The following YWHAB variants were observed in gnomAD, a reference collection of about 807,000 sequenced individuals.
YWHAB encodes the protein 14-3-3 protein beta/alpha.
Under a neutral mutation model 28.5 loss-of-function variants are expected in YWHAB, and 2 were observed. The ratio of observed to expected loss-of-function variants is 0.07; its 90% confidence interval spans 0.03 to 0.22. The LOEUF (loss-of-function observed/expected upper bound fraction) is 0.22, where lower values mean the gene tolerates loss of function less well. Ranked by LOEUF, YWHAB falls within the 10% of genes least tolerant of loss-of-function variation. YWHAB has a pLI of 1.00. For missense variants in YWHAB, 148 were observed against 297.1 expected, an observed-to-expected ratio of 0.50 and a Z score of 3.69; for synonymous variants, 103 against 104.7, an observed-to-expected ratio of 0.98 and a Z score of 0.10.
At position 44,904,073 on chromosome 20, in the gene YWHAB, T is replaced by C. The variant is rs199676762; in HGVS notation, c.381T>C (p.Tyr127=). ...TCTACTTGAAAATGAAAGGAGATTA[T>C]TTTAGGTATCTTTCTGAAGTGGCAT... ...KVFYLKMKGD[Y]FRYLSEVASG... The change falls in exon 3 of 6, where the codon TAT becomes TAC. Residue 127 remains tyrosine, a synonymous_variant. Transcript: ENST00000353703. 115 of 1,609,308 alleles carry C rather than the reference T, an allele frequency of 7.1e-5. 1 individual carries two copies. The East Asian group carries it at 1.5e-3, about 22-fold the overall frequency.
At chr20:44,895,734 C>T (rs1036877888) in intron 1 of YWHAB, among the ~76,000 whole-genome samples, 3 of 152,166 alleles carry the variant, frequency 2.0e-5, no homozygotes, top group Admixed American at 2.0e-4. Context: ...TCCAAAAGCA[C>T]TGGGATTATA....
rs147447008 is a variant in YWHAB at position 44,894,914 on chromosome 20, A to G, written c.-3-6617A>G. Among the ~76,000 whole-genome samples, 7 of 152,348 alleles carry G rather than the reference A, an allele frequency of 4.6e-5. No homozygotes were observed. In the East Asian group the frequency reaches 1.3e-3, roughly 29 times the overall value. ...TGTTCCTTGTGCTCTCCCAATAATG[A>G]TTTGTAGAAAAACTTGATATTCATT... is the stretch of plus-strand genomic sequence containing the variant. On this transcript the variant is annotated intron_variant, in intron 1 of 5. Transcript: ENST00000353703.
At position 44,905,105 on chromosome 20, in the gene YWHAB, G is replaced by A. The variant is rs747489177; in HGVS notation, c.562G>A (p.Glu188Lys). The part of the protein sequence containing the change: ...VFYYEILNSP[E>K]KACSLAKTAF... ...TTACTATGAGATTCTAAACTCTCCT[G>A]AAAAGGCCTGTAGCCTGGCAAAAAC... Residue 188 changes from glutamate (E) to lysine (K), a missense_variant, in exon 4 of 6, where the codon GAA (glutamate) becomes AAA (lysine). Around this residue, in one of 2 missense-constraint regions of YWHAB, gnomAD observed 38 missense variants for 119.2 expected, o/e 0.32. Coordinates refer to ENST00000353703, the MANE Select transcript of YWHAB (RefSeq NM_139323.4). The A allele has an allele frequency of 1.2e-6, 2 of 1,611,876 alleles. No homozygotes were observed. The highest frequency in any genetic ancestry group is 1.7e-6 in the Non-Finnish European group (2 of 1,179,046).
chr20:44,904,568 C>T (rs1601098619), intron 3 of YWHAB, among the ~76,000 whole-genome samples: 2 of 152,130 alleles, frequency 1.3e-5, no homozygotes, highest in African/African-American at 4.8e-5. Context: ...GCCCATTTTT[C>T]ATATAAACTG....
Position 44,908,300 on chromosome 20 carries a change from T to G in YWHAB, c.*1862T>G, listed in dbSNP as rs1321194671. 3 of 152,628 alleles carry G rather than the reference T, an allele frequency of 2.0e-5. No homozygotes were observed. Among genetic ancestry groups the G allele is most frequent in the African/African-American group, 4.8e-5 (2 of 41,436 alleles). The allele number at this position is 152,628 out of a possible 1,614,324, so 9.5% of individuals were successfully genotyped here. On this transcript the variant is annotated 3_prime_UTR_variant, in exon 6 of 6. Transcript: ENST00000353703. ...TCTGGTAGCTCTTTTCTTGCTTTGT[T>G]TTTTCTTACCAGTATTCTGCCTAAC...
intron 1 of YWHAB, among the ~76,000 whole-genome samples, chr20:44,891,857 CAAAG>C (rs1440812982): frequency 3.3e-5 from 5 of 152,186 alleles, no homozygotes; most frequent in Non-Finnish European, 4.4e-5. Context: ...TGTTTCCTAA[CAAAG>C]AACCTGCAAA....
rs2066520991 is a variant in YWHAB at position 44,885,729 on chromosome 20, G to A, written c.-161G>A. 1 of 176,244 alleles carries A rather than the reference G, an allele frequency of 5.7e-6. No individual in the cohort carries two copies. 10.9% of individuals were successfully genotyped at this position (176,244 alleles called of 1,614,324 possible). A position where few individuals can be genotyped will look rare whatever the true frequency, so the allele number is the denominator to read the frequency against. Reference sequence around the variant, plus strand: ...CGGAAGTGGAGCTACCGCCACCGCCGCCGCCGATTCCGGAGCCGGGGTAGT... The same window carrying A: ...CGGAAGTGGAGCTACCGCCACCGCCACCGCCGATTCCGGAGCCGGGGTAGT... On this transcript the variant is annotated 5_prime_UTR_variant, in exon 1 of 6. Coordinates refer to ENST00000353703, the MANE Select transcript of YWHAB (RefSeq NM_139323.4).
intron 1 of YWHAB, among the ~76,000 whole-genome samples, chr20:44,896,734 G>A (rs552717220): frequency 5.2e-4 from 80 of 152,384 alleles, no homozygotes; most frequent in African/African-American, 1.8e-3. Context: ...TATTGTAGAT[G>A]TAGAAATAGG....
In YWHAB at chr20:44,902,986, C is replaced by T. The variant is rs2066636168; in HGVS notation, c.301-1007C>T. 3 of 918,210 alleles carry T rather than the reference C, an allele frequency of 3.3e-6. No individual in the cohort carries two copies. The South Asian group carries it at 1.5e-4, about 46-fold the overall frequency. The allele number at this position is 918,210 out of a possible 1,614,324, so 56.9% of individuals were successfully genotyped here. ...TGAAATGTAGACCAACTTTTAAGAG[C>T]ATCTGAAAGAATGTGAAGAAGAGCT... On this transcript the variant is annotated intron_variant, in intron 2 of 5. Transcript: ENST00000353703.
At chr20:44,898,262 TAGTG>T (rs936691566) in intron 1 of YWHAB, among the ~76,000 whole-genome samples, 10 of 152,194 alleles carry the variant, frequency 6.6e-5, no homozygotes, top group African/African-American at 1.4e-4. Context: ...AGCTTACAAT[TAGTG>T]AGCCTTATAT....
intron 1 of YWHAB, 51 bp from the exon 2 acceptor site, chr20:44,901,480 G>A (rs1186785720): frequency 4.6e-6 from 7 of 1,516,738 alleles, no homozygotes; most frequent in Non-Finnish European, 2.7e-6. Flanking sequence ...ACGTTTCCTA[G>A]GCCCCGAAAC....
At chr20:44,887,632 G>A (rs2066536125) in intron 1 of YWHAB, 1 of 152,176 alleles carries the variant, frequency 6.6e-6, no homozygotes, top group Non-Finnish European at 1.5e-5. Context: ...AAATTCCCAT[G>A]ATGCTGGTTC....
intron 4 of YWHAB, chr20:44,905,772 T>C (rs546647699): frequency 2.1e-5 from 9 of 433,688 alleles, no homozygotes; most frequent in East Asian, 2.0e-4. Flanking sequence ...TGCTTAGTTA[T>C]TAGGTACAGC....
rs750483889 is a variant in YWHAB, at chr20:44,906,846, G to T, written c.*408G>T. On this transcript the variant is annotated 3_prime_UTR_variant, in exon 6 of 6. Coordinates refer to ENST00000353703, the MANE Select transcript of YWHAB (RefSeq NM_139323.4). ...TGAAATACAATTCCATTGTAAAGTT[G>T]TACAGAAAGTTATAGAGATTATATT... 1 of 159,398 alleles carries T rather than the reference G, an allele frequency of 6.3e-6. No homozygotes were observed. Among genetic ancestry groups the T allele is most frequent in the African/African-American group, 2.4e-5 (1 of 41,598 alleles). 9.9% of individuals were successfully genotyped at this position (159,398 alleles called of 1,614,324 possible). A position where few individuals can be genotyped will look rare whatever the true frequency, so the allele number is the denominator to read the frequency against.
chr20:44,905,366 G>C, intron 4 of YWHAB: 3 of 392,184 alleles, frequency 7.6e-6, no homozygotes, highest in Non-Finnish European at 1.4e-5. Flanking sequence ...GAAAGTTCCA[G>C]GTGAATGTAG....
chr20:44,896,121 G>C (rs1228053349), intron 1 of YWHAB, among the ~76,000 whole-genome samples: 1 of 152,244 alleles, frequency 6.6e-6, no homozygotes, highest in Non-Finnish European at 1.5e-5. Flanking sequence ...ATATTCATTA[G>C]AGCAATGCCG....
intron 1 of YWHAB, among the ~76,000 whole-genome samples, chr20:44,897,087 T>G (rs1044846905): frequency 1.3e-5 from 2 of 152,206 alleles, no homozygotes; most frequent in African/African-American, 4.8e-5. Flanking sequence ...GTGCATTTTA[T>G]TTTGGGAAAT....
chr20:44,896,126 A>G (rs1327262909), intron 1 of YWHAB, among the ~76,000 whole-genome samples: 4 of 152,276 alleles, frequency 2.6e-5, no homozygotes, highest in Admixed American at 2.6e-4. Flanking sequence ...CATTAGAGCA[A>G]TGCCGTCCCA....
In YWHAB at chr20:44,907,832, A is replaced by G. The variant is rs962046683; in HGVS notation, c.*1394A>G. 6.6e-6 allele frequency: 1 copy of G among 152,234 alleles called. No individual in the cohort carries two copies. The highest frequency in any genetic ancestry group is 2.4e-5 in the African/African-American group (1 of 41,460). The allele number at this position is 152,234 out of a possible 1,614,324, so 9.4% of individuals were successfully genotyped here. ...CTCAACACGGTGTTGCTCTTCAGTCATACCGGAATCTGAATCAAAAAAGTA... is the reference window on the plus strand; with the variant it reads ...CTCAACACGGTGTTGCTCTTCAGTCGTACCGGAATCTGAATCAAAAAAGTA... On this transcript the variant is annotated 3_prime_UTR_variant, in exon 6 of 6. Coordinates refer to ENST00000353703, the MANE Select transcript of YWHAB (RefSeq NM_139323.4).
Sources: gnomAD v4.1 joint callset for allele counts (sites outside exome capture counted in the v4.1 genomes callset) on GRCh38, gnomAD v4.1.1 for gene constraint, gnomAD v4.1.1 regional missense constraint, MANE v1.5 for transcripts, NCBI Gene and HGNC (gene_info 2026-07-23, HGNC 2026-07-21) for gene names.